FNDC3A: variants seen among roughly 807,000 people sequenced by gnomAD.
FNDC3A encodes fibronectin type III domain containing 3A.
Under a neutral mutation model 148.9 loss-of-function variants are expected in FNDC3A, and 32 were observed. That is an observed-to-expected ratio of 0.21 (90% CI 0.16 to 0.29). The LOEUF (loss-of-function observed/expected upper bound fraction) is 0.29. Among genes scored for constraint, FNDC3A ranks in the 10% least tolerant of loss-of-function variants. The probability of loss-of-function intolerance (pLI) is 1.00; values close to 1 mark genes in which losing one functional copy is unlikely to be tolerated. For missense variants in FNDC3A, 1,191 were observed against 1,452.8 expected, an observed-to-expected ratio of 0.82 and a Z score of 2.93; for synonymous variants, 472 against 473.6, an observed-to-expected ratio of 1.00 and a Z score of 0.04.
chr13:49,182,619 C>A (rs1885364035), intron 14 of FNDC3A, among the ~76,000 whole-genome samples: 1 of 151,894 alleles, frequency 6.6e-6, no homozygotes, highest in Non-Finnish European at 1.5e-5. Flanking sequence ...AGCTAAGAAC[C>A]TTTAGATACT....
At chr13:49,012,329 G>T (rs1952366307) in intron 2 of FNDC3A, among the ~76,000 whole-genome samples, 1 of 152,018 alleles carries the variant, frequency 6.6e-6, no homozygotes, top group South Asian at 2.1e-4. Flanking sequence ...TAGCCAGGAT[G>T]GTCTTGATCT....
At chr13:49,031,750 C>T (rs1239310206) in intron 2 of FNDC3A, among the ~76,000 whole-genome samples, 1 of 151,774 alleles carries the variant, frequency 6.6e-6, no homozygotes, top group Admixed American at 6.6e-5. Context: ...AACTAAAAAG[C>T]ACAAGTAGGA....
chr13:48,992,510 C>G (rs1305566253), intron 1 of FNDC3A, among the ~76,000 whole-genome samples: 1 of 151,962 alleles, frequency 6.6e-6, no homozygotes, highest in Non-Finnish European at 1.5e-5. Flanking sequence ...AAAAATATAC[C>G]TGGATGGCAG....
intron 14 of FNDC3A, among the ~76,000 whole-genome samples, chr13:49,180,251 T>C (rs1460276143): frequency 1.3e-5 from 2 of 152,234 alleles, no homozygotes; most frequent in Non-Finnish European, 2.9e-5. Context: ...CCAGTGCTTA[T>C]TTAATCAAAC....
Position 49,096,599 on chromosome 13 carries a change from A to G in FNDC3A, c.176-18056A>G, listed in dbSNP as rs1879539747. 3.3e-5 allele frequency among the ~76,000 whole-genome samples: 5 copies of G among 152,270 alleles called. No homozygotes were observed. The South Asian group carries it at 1.0e-3, about 32-fold the overall frequency. ...AGTCTTCTGTATTCAGCCACTTGCT[A>G]GAACACAGAAAACACAGTCACTGAA... On this transcript the variant is annotated intron_variant, in intron 3 of 25. Coordinates refer to ENST00000492622, the MANE Select transcript of FNDC3A (RefSeq NM_001079673.2).
chr13:49,080,824 G>A (rs1236709220), intron 3 of FNDC3A, among the ~76,000 whole-genome samples: 1 of 152,158 alleles, frequency 6.6e-6, no homozygotes, highest in African/African-American at 2.4e-5. Context: ...TAAGAATCCT[G>A]TGTAGAGCTG....
chr13:49,019,329 A>C (rs1023958574), intron 2 of FNDC3A, among the ~76,000 whole-genome samples: 1 of 152,222 alleles, frequency 6.6e-6, no homozygotes, highest in African/African-American at 2.4e-5. Flanking sequence ...AGCCCGTCGG[A>C]AAAGCGCAGT....
intron 1 of FNDC3A, among the ~76,000 whole-genome samples, chr13:48,990,588 C>CAAAAAAAAAAA (rs58007137): frequency 1.7e-5 from 1 of 58,136 alleles, no homozygotes; most frequent in Non-Finnish European, 3.0e-5. Flanking sequence ...CCTGTCTCTC[C>CAAAAAAAAAAA]AAAAAAAAAA....
intron 4 of FNDC3A, among the ~76,000 whole-genome samples, chr13:49,127,220 G>T (rs1328316858): frequency 6.6e-6 from 1 of 152,088 alleles, no homozygotes; most frequent in African/African-American, 2.4e-5. Flanking sequence ...TCAATTTCTT[G>T]TTCTCTGCTA....
chr13:49,161,385 G>A (rs529971139), intron 8 of FNDC3A, among the ~76,000 whole-genome samples: 1 of 152,130 alleles, frequency 6.6e-6, no homozygotes, highest in African/African-American at 2.4e-5. Flanking sequence ...ACCTTTGTTG[G>A]TTTAAAGTCG....
intron 3 of FNDC3A, among the ~76,000 whole-genome samples, chr13:49,105,078 C>G (rs537679274): frequency 7.9e-5 from 12 of 152,144 alleles, no homozygotes; most frequent in African/African-American, 2.9e-4. Flanking sequence ...AAACTCTTCC[C>G]AATCTATTTT....
chr13:49,114,033 T>A (rs189519876), intron 3 of FNDC3A, among the ~76,000 whole-genome samples: 3,021 of 151,312 alleles, frequency 0.02, 104 homozygotes, highest in African/African-American at 0.068. Flanking sequence ...CAAAAAAAAA[T>A]TTTTTTTTCC....
chr13:49,116,301 A>C (rs1385144973), intron 4 of FNDC3A, among the ~76,000 whole-genome samples: 1 of 152,176 alleles, frequency 6.6e-6, no homozygotes, highest in Non-Finnish European at 1.5e-5. Flanking sequence ...TAAACTTATG[A>C]AATGTGTAAT....
chr13:49,032,715 G>A (rs1224033741), intron 2 of FNDC3A, among the ~76,000 whole-genome samples: 3 of 151,682 alleles, frequency 2.0e-5, no homozygotes, highest in Non-Finnish European at 2.9e-5. Flanking sequence ...CAGCCTGGGC[G>A]ACAGAGCGAG....
At chr13:49,063,129 A>G (rs1245851138) in intron 2 of FNDC3A, among the ~76,000 whole-genome samples, 1 of 152,234 alleles carries the variant, frequency 6.6e-6, no homozygotes, top group Non-Finnish European at 1.5e-5. Flanking sequence ...TCCAATAAGT[A>G]TGAACATTTC....
intron 4 of FNDC3A, among the ~76,000 whole-genome samples, chr13:49,128,307 T>C (rs1034532588): frequency 6.6e-6 from 1 of 152,214 alleles, no homozygotes; most frequent in Non-Finnish European, 1.5e-5. Context: ...TCCCTGCTTT[T>C]GTCTTTGCCT....
At chr13:49,104,233 A>T (rs1397419021) in intron 3 of FNDC3A, among the ~76,000 whole-genome samples, 1 of 152,144 alleles carries the variant, frequency 6.6e-6, no homozygotes. Flanking sequence ...GTGGGTTGCA[A>T]TGTGATTTTG....
At chr13:49,062,102 T>C (rs1031321481) in intron 2 of FNDC3A, among the ~76,000 whole-genome samples, 2 of 152,048 alleles carry the variant, frequency 1.3e-5, no homozygotes, top group African/African-American at 4.8e-5. Context: ...TGATTATCAC[T>C]ATTGAAGGGA....
intron 2 of FNDC3A, among the ~76,000 whole-genome samples, chr13:49,049,907 A>C (rs979869749): frequency 6.6e-6 from 1 of 151,940 alleles, no homozygotes; most frequent in African/African-American, 2.4e-5. Flanking sequence ...TTTAGTAGAG[A>C]CAGGGTTTCA....
Sources: allele counts gnomAD v4.1 joint callset (sites outside exome capture counted in the v4.1 genomes callset), GRCh38; gene constraint gnomAD v4.1.1; transcripts MANE v1.5; gene names NCBI Gene and HGNC (gene_info 2026-07-23, HGNC 2026-07-21).